The following GRIN2B variants were observed in gnomAD, a reference collection of about 807,000 sequenced individuals.
The protein encoded by GRIN2B is glutamate receptor ionotropic, NMDA 2B.
In GRIN2B, 5 loss-of-function variants were observed where a neutral mutation model predicts 114.5. The ratio of observed to expected loss-of-function variants is 0.04; its 90% CI spans 0.02 to 0.09. GRIN2B has a LOEUF of 0.09. GRIN2B is among the 10% of genes least tolerant of loss of function. GRIN2B has a pLI of 1.00. For synonymous variants in GRIN2B, 787 were observed against 745.1 expected, an observed-to-expected ratio of 1.06 and a Z score of -0.92; for missense variants, 1,108 against 1,943.5, an observed-to-expected ratio of 0.57 and a Z score of 8.08.
chr12:13,565,993 C>A (rs1467391607), intron 13 of GRIN2B, among the ~76,000 whole-genome samples: 1 of 152,094 alleles, frequency 6.6e-6, no homozygotes, highest in African/African-American at 2.4e-5. Flanking sequence ...ATCACCAGCT[C>A]CCATGGCTTC....
chr12:13,614,249 C>A (rs1949405525), intron 8 of GRIN2B, among the ~76,000 whole-genome samples: 1 of 152,098 alleles, frequency 6.6e-6, no homozygotes, highest in South Asian at 2.1e-4. Context: ...ATGGTTAGAG[C>A]TTAAAGAAAT....
At chr12:13,820,416 C>T (rs1342486706) in intron 3 of GRIN2B, among the ~76,000 whole-genome samples, 5 of 152,152 alleles carry the variant, frequency 3.3e-5, no homozygotes, top group Non-Finnish European at 2.9e-5. Context: ...TTAGTTTCCC[C>T]AAATCAACTA....
At chr12:13,716,780 C>G (rs922250975) in intron 4 of GRIN2B, among the ~76,000 whole-genome samples, 6 of 151,884 alleles carry the variant, frequency 4.0e-5, no homozygotes, top group African/African-American at 1.4e-4. Flanking sequence ...TCCTATCATT[C>G]CATTCCTGTC....
chr12:13,963,902 C>G (rs369430611), intron 2 of GRIN2B, among the ~76,000 whole-genome samples: 1 of 152,158 alleles, frequency 6.6e-6, no homozygotes, highest in African/African-American at 2.4e-5. Context: ...AAAATAGAGA[C>G]AAATCTCCCA....
chr12:13,547,711 T>C lies in GRIN2B; in HGVS notation c.*15072A>G, dbSNP rs1238386597. 1 of 152,096 alleles carries C rather than the reference T, an allele frequency of 6.6e-6. No individual in the cohort carries two copies. The highest frequency in any genetic ancestry group is 1.5e-5 in the Non-Finnish European group (1 of 68,000). 9.4% of individuals were successfully genotyped at this position (152,096 alleles called of 1,614,324 possible). A position where few individuals can be genotyped will look rare whatever the true frequency, so the allele number is the denominator to read the frequency against. On this transcript the variant is annotated 3_prime_UTR_variant, in exon 14 of 14. Transcript: ENST00000609686. ...CAGAAGACTCTGCAGAGCATAATGT[T>C]GCTATGGCTTGTTTTACTGAAGTAA...
At chr12:13,932,375 C>T (rs976664234) in intron 2 of GRIN2B, among the ~76,000 whole-genome samples, 7 of 152,180 alleles carry the variant, frequency 4.6e-5, no homozygotes, top group Non-Finnish European at 7.3e-5. Flanking sequence ...AAATTTATAT[C>T]ATGTTTTACA....
intron 2 of GRIN2B, among the ~76,000 whole-genome samples, chr12:13,891,092 T>C (rs1828403377): frequency 1.3e-5 from 2 of 152,216 alleles, no homozygotes; most frequent in South Asian, 4.1e-4. Context: ...TTAAATATGT[T>C]ACGTATTTCA....
At chr12:13,972,986 G>A (rs1230143268) in intron 2 of GRIN2B, among the ~76,000 whole-genome samples, 1 of 152,182 alleles carries the variant, frequency 6.6e-6, no homozygotes, top group Non-Finnish European at 1.5e-5. Flanking sequence ...CGAATCCAAA[G>A]TACAAACTGC....
At chr12:13,614,016 C>CAAAAAAAAAAAAAAAAAAAAAAAA (rs77527098) in intron 8 of GRIN2B, among the ~76,000 whole-genome samples, 2 of 92,910 alleles carry the variant, frequency 2.2e-5, no homozygotes, top group African/African-American at 3.7e-5. Flanking sequence ...CCTTGCACAG[C>CAAAAAAAAAAAAAAAAAAAAAAAA]AAAAAAAAAA....
At chr12:13,902,268 GA>G (rs1245077860) in intron 2 of GRIN2B, among the ~76,000 whole-genome samples, 1 of 151,742 alleles carries the variant, frequency 6.6e-6, no homozygotes, top group East Asian at 1.9e-4. Context: ...GTTAAATTCT[GA>G]AAAAAAATCT....
chr12:13,865,745 GT>G, intron 3 of GRIN2B, 52 bp downstream of exon 3: 1 of 1,412,782 alleles, frequency 7.1e-7, no homozygotes. Flanking sequence ...CAAATGCATG[GT>G]TTAGTCCTCA....
intron 3 of GRIN2B, among the ~76,000 whole-genome samples, chr12:13,793,313 C>T (rs1591734216): frequency 6.6e-6 from 1 of 151,942 alleles, no homozygotes; most frequent in South Asian, 2.1e-4. Context: ...CCCATCTACT[C>T]GGGAGGCTGA....
At chr12:13,964,562 A>C (rs1867756493) in intron 2 of GRIN2B, among the ~76,000 whole-genome samples, 1 of 152,264 alleles carries the variant, frequency 6.6e-6, no homozygotes, top group Non-Finnish European at 1.5e-5. Context: ...CACATAGTCC[A>C]GAGCAAGGGC....
At chr12:13,871,044 G>A (rs1019358844) in intron 2 of GRIN2B, among the ~76,000 whole-genome samples, 2 of 152,172 alleles carry the variant, frequency 1.3e-5, no homozygotes, top group Non-Finnish European at 2.9e-5. Context: ...GAACACATAT[G>A]AGGCTAAAAT....
At chr12:13,799,520 G>C (rs1252168552) in intron 3 of GRIN2B, among the ~76,000 whole-genome samples, 1 of 152,098 alleles carries the variant, frequency 6.6e-6, no homozygotes, top group African/African-American at 2.4e-5. Flanking sequence ...CTGATCTCAG[G>C]GTAGAACCCC....
intron 2 of GRIN2B, among the ~76,000 whole-genome samples, chr12:13,909,292 A>T (rs1440889810): frequency 6.6e-6 from 1 of 152,226 alleles, no homozygotes; most frequent in African/African-American, 2.4e-5. Context: ...AAGAAAGATG[A>T]ACACTACCAT....
chr12:13,636,356 G>C (rs983521323), intron 5 of GRIN2B, among the ~76,000 whole-genome samples: 1 of 152,164 alleles, frequency 6.6e-6, no homozygotes, highest in African/African-American at 2.4e-5. Flanking sequence ...GTAAGGCTTT[G>C]GGTATTCTGT....
At chr12:13,602,442 C>T (rs538542334) in intron 10 of GRIN2B, among the ~76,000 whole-genome samples, 59 of 152,162 alleles carry the variant, frequency 3.9e-4, no homozygotes, top group Non-Finnish European at 7.2e-4. Flanking sequence ...TGTGACAGAT[C>T]GGGCTGGAGG....
chr12:13,802,789 A>G (rs1377681467), intron 3 of GRIN2B, among the ~76,000 whole-genome samples: 3 of 152,238 alleles, frequency 2.0e-5, no homozygotes. Context: ...GCTAACTACT[A>G]TCTAGTGAGA....
Sources: allele counts gnomAD v4.1 joint callset (sites outside exome capture counted in the v4.1 genomes callset), GRCh38; gene constraint gnomAD v4.1.1; transcripts MANE v1.5; gene names NCBI Gene and HGNC (gene_info 2026-07-23, HGNC 2026-07-21).